Variants in PTPRM observed in about 807,000 individuals in gnomAD.
PTPRM encodes protein tyrosine phosphatase receptor type M, also known as receptor-type tyrosine-protein phosphatase mu.
PTPRM carries 47 observed loss-of-function variants against 186.7 expected under a neutral mutation model. The ratio of observed to expected loss-of-function variants is 0.25; its 90% CI spans 0.20 to 0.32. The LOEUF (loss-of-function observed/expected upper bound fraction) is 0.32. Ranked by LOEUF, PTPRM falls within the 10% of genes least tolerant of loss-of-function variation. The pLI is 1.00. For missense variants in PTPRM, 1,494 were observed against 1,865.0 expected (o/e 0.80, Z 3.66); for synonymous variants, 668 against 674.9 (o/e 0.99, Z 0.16).
intron 2 of PTPRM, among the ~76,000 whole-genome samples, chr18:7,808,127 C>G (rs79875041): frequency 0.012 from 1,837 of 152,278 alleles, 30 homozygotes; most frequent in African/African-American, 0.042. Flanking sequence ...AGTCTCCAAA[C>G]CGTGTGTTTG....
rs188988199 is a variant in PTPRM at position 8,040,042 on chromosome 18, G to T, written c.1133-29644G>T. 6.6e-5 allele frequency among the ~76,000 whole-genome samples: 10 copies of T among 152,264 alleles called. No homozygotes were observed. The East Asian group carries it at 1.7e-3, about 26-fold the overall frequency. On this transcript the variant is annotated intron_variant, in intron 7 of 32. Transcript: ENST00000580170. ...ACATTTCAAATATTTTTTGTTCTTG[G>T]CTTTACCAAAGAAGTAGTCATTTTA...
chr18:7,976,224 CATGACTATAT>C (rs1194735636), intron 7 of PTPRM, among the ~76,000 whole-genome samples: 14 of 152,198 alleles, frequency 9.2e-5, no homozygotes, highest in Middle Eastern at 3.4e-3. Context: ...TTAGGCAACC[CATGACTATAT>C]ATGACATTCT....
rs920114204 is a variant in PTPRM at position 7,830,683 on chromosome 18, C to T, written c.196+56412C>T. On this transcript the variant is annotated intron_variant, in intron 2 of 32. Transcript: ENST00000580170. ...GGAGATATGTTCTATTTCCCAAGGG[C>T]CTTGAAATAGGTCGCATAAAGCCCA... Among the ~76,000 whole-genome samples the T allele has an allele frequency of 3.9e-5, 6 of 152,104 alleles. No individual in the cohort carries two copies. The East Asian group carries it at 1.2e-3, about 29-fold the overall frequency.
At chr18:7,785,870 A>G (rs2043075829) in intron 2 of PTPRM, among the ~76,000 whole-genome samples, 1 of 152,236 alleles carries the variant, frequency 6.6e-6, no homozygotes, top group Non-Finnish European at 1.5e-5. Context: ...ACATGGTTTT[A>G]TGCCTCAGTG....
At chr18:8,359,463 T>C (rs2017996) in intron 23 of PTPRM, among the ~76,000 whole-genome samples, 46,148 of 152,252 alleles carry the variant, frequency 0.3, 7,522 homozygotes, top group African/African-American at 0.43. Flanking sequence ...CATAATTGGC[T>C]GACCCTGGAA....
chr18:7,838,484 T>C (rs1169575825), intron 2 of PTPRM, among the ~76,000 whole-genome samples: 1 of 152,202 alleles, frequency 6.6e-6, no homozygotes, highest in Non-Finnish European at 1.5e-5. Flanking sequence ...GTAGAGAGAC[T>C]CTTGTTCTCT....
intron 1 of PTPRM, among the ~76,000 whole-genome samples, chr18:7,578,377 C>A (rs1206338053): frequency 1.3e-5 from 2 of 150,014 alleles, no homozygotes; most frequent in East Asian, 4.0e-4. Flanking sequence ...GCTCTGTCGC[C>A]CAGGCTGGAG....
At chr18:8,116,289 C>CTTAACGT (rs746626150) in intron 13 of PTPRM, among the ~76,000 whole-genome samples, 1 of 152,238 alleles carries the variant, frequency 6.6e-6, no homozygotes, top group Non-Finnish European at 1.5e-5. Flanking sequence ...GTTTATAATG[C>CTTAACGT]TTAACGTTTA....
intron 1 of PTPRM, among the ~76,000 whole-genome samples, chr18:7,572,300 A>G (rs966144008): frequency 6.6e-6 from 1 of 152,174 alleles, no homozygotes; most frequent in Non-Finnish European, 1.5e-5. Context: ...TCTTTAATGA[A>G]CAAGTAATTT....
chr18:7,915,489 G>A (rs749647857), intron 4 of PTPRM, among the ~76,000 whole-genome samples: 18 of 152,206 alleles, frequency 1.2e-4, no homozygotes, highest in South Asian at 4.1e-4. Flanking sequence ...CACTTTTCTG[G>A]CCATAGAGCT....
intron 14 of PTPRM, chr18:8,154,651 A>T (rs2093082128): frequency 6.6e-6 from 1 of 152,174 alleles, no homozygotes; most frequent in Non-Finnish European, 1.5e-5. Context: ...GGCCCTCTAT[A>T]AAAAAATAGT....
At chr18:7,827,588 C>T (rs946039472) in intron 2 of PTPRM, among the ~76,000 whole-genome samples, 8 of 152,276 alleles carry the variant, frequency 5.3e-5, no homozygotes, top group African/African-American at 1.4e-4. Flanking sequence ...TGAGAGCCTT[C>T]GCTCCAGCAC....
At chr18:8,022,477 C>G (rs1403961762) in intron 7 of PTPRM, among the ~76,000 whole-genome samples, 1 of 152,160 alleles carries the variant, frequency 6.6e-6, no homozygotes, top group African/African-American at 2.4e-5. Context: ...TGTATATAAT[C>G]CTTATCATTT....
At chr18:8,360,621 C>T (rs2095591572) in intron 23 of PTPRM, among the ~76,000 whole-genome samples, 1 of 152,104 alleles carries the variant, frequency 6.6e-6, no homozygotes, top group Non-Finnish European at 1.5e-5. Flanking sequence ...GGATTACTTG[C>T]TAGGACTTTG....
At chr18:8,367,820 T>G (rs2095641299) in intron 23 of PTPRM, among the ~76,000 whole-genome samples, 1 of 152,236 alleles carries the variant, frequency 6.6e-6, no homozygotes, top group Non-Finnish European at 1.5e-5. Flanking sequence ...ACTGTCATAT[T>G]TTTGAAATTC....
chr18:7,902,625 T>G (rs2146514071), intron 3 of PTPRM, among the ~76,000 whole-genome samples: 1 of 152,360 alleles, frequency 6.6e-6, no homozygotes, highest in Admixed American at 6.5e-5. Flanking sequence ...TTTCTTGTTT[T>G]TTCCCTAACT....
chr18:7,867,660 C>G (rs1426740158), intron 2 of PTPRM, among the ~76,000 whole-genome samples: 1 of 152,158 alleles, frequency 6.6e-6, no homozygotes, highest in African/African-American at 2.4e-5. Flanking sequence ...CTTGTTGAAT[C>G]TGATGATTAT....
chr18:7,639,391 C>CTTT (rs5822976), intron 1 of PTPRM, among the ~76,000 whole-genome samples: 28 of 142,240 alleles, frequency 2.0e-4, no homozygotes, highest in African/African-American at 6.7e-4. Context: ...ATTCTATATG[C>CTTT]TTTTTTTTTT....
At chr18:7,954,909 C>T (rs2053213346) in intron 6 of PTPRM, among the ~76,000 whole-genome samples, 1 of 152,166 alleles carries the variant, frequency 6.6e-6, no homozygotes, top group Non-Finnish European at 1.5e-5. Flanking sequence ...CTTGAATAAG[C>T]TTATGTGTTT....
Sources: allele counts gnomAD v4.1 joint callset (sites outside exome capture counted in the v4.1 genomes callset), GRCh38; gene constraint gnomAD v4.1.1; transcripts MANE v1.5; gene names NCBI Gene and HGNC (gene_info 2026-07-23, HGNC 2026-07-21).